Variants in RALYL observed in about 807,000 individuals in gnomAD.
The protein encoded by RALYL is RNA-binding Raly-like protein.
Under a neutral mutation model 35.1 loss-of-function variants are expected in RALYL, and 29 were observed. The ratio of observed to expected loss-of-function variants is 0.83; its 90% CI spans 0.61 to 1.13. The LOEUF (loss-of-function observed/expected upper bound fraction) is 1.13. RALYL is among the 50% of genes most tolerant of loss of function. The pLI is 0.00. For synonymous variants in RALYL, 120 were observed against 127.6 expected, an observed-to-expected ratio of 0.94 and a Z score of 0.40; for missense variants, 359 against 360.4, an observed-to-expected ratio of 1.00 and a Z score of 0.03.
intron 2 of RALYL, among the ~76,000 whole-genome samples, chr8:84,733,374 T>G (rs960792237): frequency 2.6e-5 from 4 of 152,148 alleles, no homozygotes; most frequent in Admixed American, 2.6e-4. Flanking sequence ...AAAATAAAAC[T>G]AGATGAACTG....
At chr8:84,360,529 AG>A (rs1852770510) in intron 1 of RALYL, among the ~76,000 whole-genome samples, 1 of 152,202 alleles carries the variant, frequency 6.6e-6, no homozygotes, top group African/African-American at 2.4e-5. Context: ...TTAATGAATA[AG>A]GCAATTAAGT....
chr8:84,483,941 AC>A (rs1384622848), intron 1 of RALYL, among the ~76,000 whole-genome samples: 5 of 152,302 alleles, frequency 3.3e-5, no homozygotes, highest in Non-Finnish European at 7.4e-5. Context: ...TTAGTGAATT[AC>A]ATCAATTGAG....
At chr8:84,542,837 T>A (rs1341251647) in intron 2 of RALYL, among the ~76,000 whole-genome samples, 3 of 152,190 alleles carry the variant, frequency 2.0e-5, no homozygotes. Flanking sequence ...CACAGTTCCC[T>A]CTCATAATCA....
At chr8:84,607,210 A>G (rs1281396498) in intron 2 of RALYL, among the ~76,000 whole-genome samples, 1 of 151,734 alleles carries the variant, frequency 6.6e-6, no homozygotes, top group African/African-American at 2.4e-5. Context: ...CCCAAAAAGC[A>G]GTAAAGTATG....
intron 1 of RALYL, among the ~76,000 whole-genome samples, chr8:84,345,778 G>A (rs556609717): frequency 7.9e-5 from 12 of 152,198 alleles, no homozygotes; most frequent in South Asian, 6.2e-4. Flanking sequence ...TTAAATATGA[G>A]TGAACGAGAA....
At chr8:84,275,474 AATATATAT>A (rs112699780) in intron 1 of RALYL, among the ~76,000 whole-genome samples, 1 of 147,154 alleles carries the variant, frequency 6.8e-6, no homozygotes, top group Admixed American at 6.8e-5. Context: ...GATGTTTTGA[AATATATAT>A]ATATATATAT....
At chr8:84,484,467 G>C (rs563591624) in intron 1 of RALYL, among the ~76,000 whole-genome samples, 1 of 152,144 alleles carries the variant, frequency 6.6e-6, no homozygotes, top group African/African-American at 2.4e-5. Flanking sequence ...CAAGTGGAAG[G>C]ATAACAAGCG....
rs1019973082 is a variant in RALYL at position 84,721,799 on chromosome 8, T to C, written c.257-52780T>C. On this transcript the variant is annotated intron_variant, in intron 2 of 8. Coordinates refer to ENST00000521268, the MANE Select transcript of RALYL (RefSeq NM_173848.7). ...ATGTCATATAATAAATCTTTGTCAC[T>C]AATTTATGCTACTTTAAAATTTGGG... 2.0e-5 allele frequency among the ~76,000 whole-genome samples: 3 copies of C among 152,280 alleles called. No individual in the cohort carries two copies. In the East Asian group the frequency reaches 5.8e-4, roughly 29 times the overall value.
chr8:84,762,785 G>A (rs956047069), intron 2 of RALYL, among the ~76,000 whole-genome samples: 1 of 152,064 alleles, frequency 6.6e-6, no homozygotes, highest in East Asian at 1.9e-4. Context: ...GTGAAAATTT[G>A]ATCAACTATG....
chr8:84,862,363 G>A lies in RALYL; in HGVS notation c.481G>A (p.Val161Met). Residue 161 changes from valine to methionine, a missense_variant, in exon 6 of 9, where the codon GTG (valine) becomes ATG (methionine). Transcript: ENST00000521268. ...RAVIPLKRPR[V>M]AVTTTRRGKG... ...AGTAATTCCGCTGAAGCGTCCCAGA[G>A]TGGCAGTCACAACGACTCGCAGGGG... 1.2e-6 allele frequency: 2 copies of A among 1,607,020 alleles called. No homozygotes were observed. The highest frequency in any genetic ancestry group is 1.7e-6 in the Non-Finnish European group (2 of 1,177,092).
intron 1 of RALYL, among the ~76,000 whole-genome samples, chr8:84,395,043 C>T (rs1029735781): frequency 6.6e-6 from 1 of 151,684 alleles, no homozygotes; most frequent in Non-Finnish European, 1.5e-5. Flanking sequence ...CATTTAGGAA[C>T]AACAAAAACA....
At chr8:84,419,087 G>T (rs1245626935) in intron 1 of RALYL, among the ~76,000 whole-genome samples, 1 of 152,076 alleles carries the variant, frequency 6.6e-6, no homozygotes, top group East Asian at 1.9e-4. Context: ...GTGAAAAGAG[G>T]ATATTGTGAG....
chr8:84,330,861 G>A (rs899028804), intron 1 of RALYL, among the ~76,000 whole-genome samples: 1 of 152,022 alleles, frequency 6.6e-6, no homozygotes, highest in African/African-American at 2.4e-5. Flanking sequence ...GCATGAGCAA[G>A]GGTGGTGTAT....
chr8:84,289,464 G>T (rs73304863), intron 1 of RALYL, among the ~76,000 whole-genome samples: 7,043 of 152,210 alleles, frequency 0.046, 260 homozygotes, highest in African/African-American at 0.083. Context: ...TATAAGAGGA[G>T]TTGTAAATGG....
chr8:84,317,252 G>C (rs372873064), intron 1 of RALYL, among the ~76,000 whole-genome samples: 3 of 147,568 alleles, frequency 2.0e-5, no homozygotes, highest in African/African-American at 7.5e-5. Context: ...AACAAAGAAT[G>C]AAACAGTGTC....
At chr8:84,274,186 G>A (rs186640250) in intron 1 of RALYL, among the ~76,000 whole-genome samples, 21 of 152,266 alleles carry the variant, frequency 1.4e-4, no homozygotes, top group Middle Eastern at 3.4e-3. Context: ...TAGCGCTGGT[G>A]GTGGTGATGC....
intron 1 of RALYL, among the ~76,000 whole-genome samples, chr8:84,246,957 G>T (rs964391091): frequency 6.6e-6 from 1 of 152,152 alleles, no homozygotes; most frequent in Non-Finnish European, 1.5e-5. Context: ...AGTGAGATTG[G>T]CTATGTCCAG....
In RALYL at chr8:84,322,218, T is replaced by C. The variant is rs184119833; in HGVS notation, c.-24+137794T>C. On this transcript the variant is annotated intron_variant, in intron 1 of 8. Coordinates refer to ENST00000521268, the MANE Select transcript of RALYL (RefSeq NM_173848.7). ...ATATAAAACAGCAGAGTACACATTATTCTCAAGCTCACATGAAGTATCCAC... is the reference window on the plus strand; with the variant it reads ...ATATAAAACAGCAGAGTACACATTACTCTCAAGCTCACATGAAGTATCCAC... Among the ~76,000 whole-genome samples, 8 of 152,246 alleles carry C rather than the reference T, an allele frequency of 5.3e-5. No individual in the cohort carries two copies. In the East Asian group the frequency reaches 1.5e-3, roughly 29 times the overall value.
chr8:84,863,845 C>A (rs909889659), intron 6 of RALYL, among the ~76,000 whole-genome samples: 1 of 152,054 alleles, frequency 6.6e-6, no homozygotes, highest in Non-Finnish European at 1.5e-5. Flanking sequence ...ATTCATGTAT[C>A]TATTCTGTAG....
Sources: allele counts gnomAD v4.1 joint callset (sites outside exome capture counted in the v4.1 genomes callset), GRCh38; gene constraint gnomAD v4.1.1; transcripts MANE v1.5; gene names NCBI Gene and HGNC (gene_info 2026-07-23, HGNC 2026-07-21).